Variants in KLHL36 observed in about 807,000 individuals in gnomAD.
KLHL36 encodes the protein kelch like family member 36.
In KLHL36, 35 loss-of-function variants were observed where a neutral mutation model predicts 53.3. The ratio of observed to expected loss-of-function variants is 0.66; its 90% CI spans 0.50 to 0.87. The LOEUF is 0.87. Among genes scored for constraint, KLHL36 ranks in the 40% least tolerant of loss-of-function variants. KLHL36 has a pLI of 0.00. For synonymous variants in KLHL36, 472 were observed against 398.9 expected (o/e 1.18, Z -2.18); for missense variants, 864 against 897.6 (o/e 0.96, Z 0.48).
In KLHL36 at chr16:84,648,840, C is replaced by G. The variant is rs897420995; in HGVS notation, c.-17+191C>G. 3 of 150,824 alleles carry G rather than the reference C, an allele frequency of 2.0e-5. No individual in the cohort carries two copies. The highest frequency in any genetic ancestry group is 7.3e-5 in the African/African-American group (3 of 41,234). 9.3% of individuals were successfully genotyped at this position (150,824 alleles called of 1,614,324 possible). A position where few individuals can be genotyped will look rare whatever the true frequency, so the allele number is the denominator to read the frequency against. ...CGGCCGGGGGAGGGGCCGCCGCCCC[C>G]GCAGGTGACACAGGTGCGGCCTGTG... On this transcript the variant is annotated intron_variant, in intron 1 of 4. Coordinates refer to ENST00000564996, the MANE Select transcript of KLHL36 (RefSeq NM_024731.4). The surrounding 1 kb of genome is among the most constrained non-coding windows in gnomAD (Gnocchi z 4.9).
In KLHL36 at chr16:84,657,605, C is replaced by T; in HGVS notation, c.798C>T (p.Phe266=). The change falls in exon 3 of 5, where the codon TTC becomes TTT. Residue 266 remains phenylalanine (F), a synonymous_variant. Coordinates refer to ENST00000564996, the MANE Select transcript of KLHL36 (RefSeq NM_024731.4). ...CCAAGGAGGCCAACTGCGAGGGCTTCATCGAGGAGGCCGTGCGCTACCACA... is the reference window on the plus strand; with the variant it reads ...CCAAGGAGGCCAACTGCGAGGGCTTTATCGAGGAGGCCGTGCGCTACCACA... ...LLPKEANCEG[F]IEEAVRYHNN... 1 of 1,611,380 alleles carries T rather than the reference C, an allele frequency of 6.2e-7. No homozygotes were observed. Among genetic ancestry groups the T allele is most frequent in the African/African-American group, 1.3e-5 (1 of 75,058 alleles).
intron 2 of KLHL36, among the ~76,000 whole-genome samples, chr16:84,655,931 C>T (rs923526184): frequency 6.6e-6 from 1 of 151,932 alleles, no homozygotes; most frequent in African/African-American, 2.4e-5. Flanking sequence ...TTCTTTTTGT[C>T]GTCCAGGCTG....
rs560318740 is a variant in KLHL36, at chr16:84,662,541, A to G, written c.*408A>G. On this transcript the variant is annotated 3_prime_UTR_variant, in exon 5 of 5. Coordinates refer to ENST00000564996, the MANE Select transcript of KLHL36 (RefSeq NM_024731.4). Reference sequence around the variant, plus strand: ...CAAACCTGGCTGAACTTTTAAGAATACAGATGCGTGAGCCCCGCTCAGAAT... The same window carrying G: ...CAAACCTGGCTGAACTTTTAAGAATGCAGATGCGTGAGCCCCGCTCAGAAT... The G allele has an allele frequency of 6.2e-6, 1 of 162,122 alleles. No individual in the cohort carries two copies. The highest frequency in any genetic ancestry group is 2.4e-5 in the African/African-American group (1 of 41,858). 10.0% of individuals were successfully genotyped at this position (162,122 alleles called of 1,614,324 possible). A position where few individuals can be genotyped will look rare whatever the true frequency, so the allele number is the denominator to read the frequency against.
Position 84,666,077 on chromosome 16 carries a change from C to G in KLHL36, c.*3944C>G, listed in dbSNP as rs1907818349. On this transcript the variant is annotated 3_prime_UTR_variant, in exon 5 of 5. Coordinates refer to ENST00000564996, the MANE Select transcript of KLHL36 (RefSeq NM_024731.4). Reference sequence around the variant, plus strand: ...GGGAGGGGAGGGGGTGGCATCCTGGCCTCTAGGATAAATGCCTGGAGTATA... The same window carrying G: ...GGGAGGGGAGGGGGTGGCATCCTGGGCTCTAGGATAAATGCCTGGAGTATA... 6.6e-6 allele frequency: 1 copy of G among 152,232 alleles called. No homozygotes were observed. Among genetic ancestry groups the G allele is most frequent in the African/African-American group, 2.4e-5 (1 of 41,436 alleles). 9.4% of individuals were successfully genotyped at this position (152,232 alleles called of 1,614,324 possible).
intron 2 of KLHL36, among the ~76,000 whole-genome samples, chr16:84,654,281 T>C (rs1351031370): frequency 6.6e-6 from 1 of 152,230 alleles, no homozygotes; most frequent in African/African-American, 2.4e-5. Context: ...TACTTTTTAA[T>C]TTCCTTCCTT....
rs1407805184 is a variant in KLHL36 at position 84,663,975 on chromosome 16, T to A, written c.*1842T>A. ...AGGCTTACAAACTGTTGAGAGGTTCTGCGAGGCATACAAACAAACAGACCA... is the reference window on the plus strand; with the variant it reads ...AGGCTTACAAACTGTTGAGAGGTTCAGCGAGGCATACAAACAAACAGACCA... On this transcript the variant is annotated 3_prime_UTR_variant, in exon 5 of 5. Coordinates refer to ENST00000564996, the MANE Select transcript of KLHL36 (RefSeq NM_024731.4). The A allele has an allele frequency of 1.3e-5, 2 of 152,218 alleles. No individual in the cohort carries two copies. The highest frequency in any genetic ancestry group is 4.8e-5 in the African/African-American group (2 of 41,450). 9.4% of individuals were successfully genotyped at this position (152,218 alleles called of 1,614,324 possible).
At chr16:84,656,775 A>C (rs1262740010) in intron 2 of KLHL36, 96 bp from the exon 3 acceptor site, 5 of 811,472 alleles carry the variant, frequency 6.2e-6, no homozygotes, top group East Asian at 2.5e-5. Flanking sequence ...TGTTTTCTTC[A>C]GTTTCATTTT....
intron 2 of KLHL36, 26 bp downstream of exon 2, chr16:84,650,956 A>G (rs551913595): frequency 4.5e-6 from 7 of 1,568,612 alleles, no homozygotes; most frequent in South Asian, 2.3e-5. Context: ...CTCACCACCT[A>G]TGCAAATTGC....
intron 1 of KLHL36, among the ~76,000 whole-genome samples, chr16:84,650,496 GCACACTTAAGTCACTTA>G (rs1906798250): frequency 6.6e-6 from 1 of 152,112 alleles, no homozygotes; most frequent in Non-Finnish European, 1.5e-5. Context: ...AAATGAGATG[GCACACTTAAGTCACTTA>G]GCTTGGTTCG....
rs1181826541 is a variant in KLHL36 at position 84,662,984 on chromosome 16, T to C, written c.*851T>C. On this transcript the variant is annotated 3_prime_UTR_variant, in exon 5 of 5. Coordinates refer to ENST00000564996, the MANE Select transcript of KLHL36 (RefSeq NM_024731.4). ...TTTTTTTTCTGAACCCACTGTCTTT[T>C]ATATTACTGATGTACTGAGCTCCCA... 1 of 151,988 alleles carries C rather than the reference T, an allele frequency of 6.6e-6. No homozygotes were observed. The highest frequency in any genetic ancestry group is 1.5e-5 in the Non-Finnish European group (1 of 67,990). The allele number at this position is 151,988 out of a possible 1,614,324, so 9.4% of individuals were successfully genotyped here.
At chr16:84,660,876 C>T (rs373742384) in intron 4 of KLHL36, among the ~76,000 whole-genome samples, 13 of 152,278 alleles carry the variant, frequency 8.5e-5, no homozygotes, top group African/African-American at 2.6e-4. Context: ...CCCACCTCAC[C>T]CTCACAAAGT....
rs1279363925 is a variant in KLHL36, at chr16:84,666,447, G to C, written c.*4314G>C. 6.6e-6 allele frequency: 1 copy of C among 152,186 alleles called. No homozygotes were observed. Among genetic ancestry groups the C allele is most frequent in the African/African-American group, 2.4e-5 (1 of 41,432 alleles). The allele number at this position is 152,186 out of a possible 1,614,324, so 9.4% of individuals were successfully genotyped here. A position where few individuals can be genotyped will look rare whatever the true frequency, so the allele number is the denominator to read the frequency against. The stretch of plus-strand genomic sequence containing the variant: ...AGGCCCCCAGCTCATTTGCCAAGAG[G>C]AAACCTTAACCCCCCTGAGAGGGTC... On this transcript the variant is annotated 3_prime_UTR_variant, in exon 5 of 5. Transcript: ENST00000564996.
At position 84,657,351 on chromosome 16, in the gene KLHL36, C is replaced by A. The variant is rs1357018442; in HGVS notation, c.544C>A (p.Pro182Thr). The A allele has an allele frequency of 6.2e-7, 1 of 1,612,560 alleles. No individual in the cohort carries two copies. Among genetic ancestry groups the A allele is most frequent in the South Asian group, 1.1e-5 (1 of 91,086 alleles). The change falls in exon 3 of 5, where the codon CCC (proline) becomes ACC (threonine). Residue 182 changes from proline (P) to threonine (T), a missense_variant. Pro to Thr is a conservative substitution (Grantham distance 38). Coordinates refer to ENST00000564996, the MANE Select transcript of KLHL36 (RefSeq NM_024731.4). The part of the protein sequence containing the change: ...LNHFGTLSFT[P>T]DFLQNVSMQK... ...CCACTTCGGCACGCTGTCCTTTACGCCCGACTTCCTGCAGAACGTCTCCAT... is the reference window on the plus strand; with the variant it reads ...CCACTTCGGCACGCTGTCCTTTACGACCGACTTCCTGCAGAACGTCTCCAT...
At position 84,662,013 on chromosome 16, in the gene KLHL36, G is replaced by C; in HGVS notation, c.1731G>C (p.Arg577Ser). 1 of 1,590,836 alleles carries C rather than the reference G, an allele frequency of 6.3e-7. No individual in the cohort carries two copies. The highest frequency in any genetic ancestry group is 8.5e-7 in the Non-Finnish European group (1 of 1,170,202). The change falls in exon 5 of 5, where the codon AGG becomes AGC. Residue 577 changes from arginine (R) to serine (S), a missense_variant. By Grantham distance (110) the Arg-to-Ser change is moderately radical (BLOSUM62 -1). Coordinates refer to ENST00000564996, the MANE Select transcript of KLHL36 (RefSeq NM_024731.4). Reference protein sequence around the residue: ...VYDREADKWSRGVDLPKAIAG... With the variant: ...VYDREADKWSSGVDLPKAIAG... The stretch of plus-strand genomic sequence containing the variant: ...ACCGCGAGGCCGACAAGTGGAGCAG[G>C]GGCGTCGACCTGCCCAAGGCCATCG...
At chr16:84,660,346 A>C (rs1439225197) in intron 4 of KLHL36, among the ~76,000 whole-genome samples, 3 of 152,166 alleles carry the variant, frequency 2.0e-5, no homozygotes, top group Non-Finnish European at 2.9e-5. Flanking sequence ...CCCACCCCAC[A>C]GCACTGTTGT....
chr16:84,655,365 C>A (rs1483808202), intron 2 of KLHL36, among the ~76,000 whole-genome samples: 1 of 152,172 alleles, frequency 6.6e-6, no homozygotes, highest in Non-Finnish European at 1.5e-5. Flanking sequence ...TGTTAAGAAG[C>A]AACTTTTAAG....
rs994451726 is a variant in KLHL36, at chr16:84,656,727, A to G, written c.64-144A>G. On this transcript the variant is annotated intron_variant, in intron 2 of 4. Coordinates refer to ENST00000564996, the MANE Select transcript of KLHL36 (RefSeq NM_024731.4). Reference sequence around the variant, plus strand: ...CACAGGCATACTCAGAAACACCTGTACTTCCTGCAGTGCCCTCTGATGCAG... The same window carrying G: ...CACAGGCATACTCAGAAACACCTGTGCTTCCTGCAGTGCCCTCTGATGCAG... 31 of 641,254 alleles carry G rather than the reference A, an allele frequency of 4.8e-5. 1 individual carries two copies. The Middle Eastern group carries it at 1.3e-3, about 27-fold the overall frequency. 39.7% of individuals were successfully genotyped at this position (641,254 alleles called of 1,614,324 possible). A position where few individuals can be genotyped will look rare whatever the true frequency, so the allele number is the denominator to read the frequency against.
Position 84,661,729 on chromosome 16 carries a change from C to T in KLHL36, c.1447C>T (p.Arg483Cys), listed in dbSNP as rs753929805. ...WEERRPMTTA[R>C]GWHSMCSLGD... Reference sequence around the variant, plus strand: ...GGAGCGGCGGCCCATGACCACGGCGCGCGGCTGGCACAGCATGTGCAGCCT... The same window carrying T: ...GGAGCGGCGGCCCATGACCACGGCGTGCGGCTGGCACAGCATGTGCAGCCT... Residue 483 changes from arginine (R) to cysteine (C), a missense_variant, in exon 5 of 5, where the codon CGC becomes TGC. Coordinates refer to ENST00000564996, the MANE Select transcript of KLHL36 (RefSeq NM_024731.4). The surrounding 1 kb of genome is among the most constrained non-coding windows in gnomAD (Gnocchi z 7.9). The T allele has an allele frequency of 6.2e-7, 1 of 1,613,436 alleles. No homozygotes were observed. The highest frequency in any genetic ancestry group is 1.1e-5 in the South Asian group (1 of 91,060).
Position 84,661,092 on chromosome 16 carries a change from T to TC in KLHL36, c.1296-483dup. Among the ~76,000 whole-genome samples, 1 of 152,166 alleles carries TC rather than the reference T, an allele frequency of 6.6e-6. No homozygotes were observed. The highest frequency in any genetic ancestry group is 2.4e-5 in the African/African-American group (1 of 41,526). On this transcript the variant is annotated intron_variant, in intron 4 of 4. Transcript: ENST00000564996. The surrounding 1 kb of genome is among the most constrained non-coding windows in gnomAD (Gnocchi z 7.9). ...CCACTGTGTGCGTGCTGTCCATCCCTCCCTCCCCTCTCCCCACAGTCCTGG... is the reference window on the plus strand; with the variant it reads ...CCACTGTGTGCGTGCTGTCCATCCCTCCCCTCCCCTCTCCCCACAGTCCTGG...
Sources: gnomAD v4.1 joint callset for allele counts (sites outside exome capture counted in the v4.1 genomes callset) on GRCh38, gnomAD v4.1.1 for gene constraint, Gnocchi (gnomAD v3.1) non-coding constraint, MANE v1.5 for transcripts, NCBI Gene and HGNC (gene_info 2026-07-23, HGNC 2026-07-21) for gene names.